CLEC16A: variants seen among roughly 807,000 people sequenced by gnomAD.
CLEC16A encodes the protein protein CLEC16A.
A neutral mutation model predicts 109.5 loss-of-function variants in CLEC16A; 51 were observed. That is an observed-to-expected ratio of 0.47 (90% CI 0.37 to 0.59). The LOEUF (loss-of-function observed/expected upper bound fraction) is 0.59, where lower values mean the gene tolerates loss of function less well. Ranked by LOEUF, CLEC16A falls within the 20% of genes least tolerant of loss-of-function variation. The probability of loss-of-function intolerance (pLI) is 0.00; values close to 1 mark genes in which losing one functional copy is unlikely to be tolerated. For missense variants in CLEC16A, 1,339 were observed against 1,394.0 expected (o/e 0.96, Z 0.63); for synonymous variants, 673 against 564.2 (o/e 1.19, Z -2.73).
In CLEC16A at chr16:11,180,545, C is replaced by G. The variant is rs1177355448; in HGVS notation, c.*1855C>G. The G allele has an allele frequency of 6.6e-6, 1 of 152,426 alleles. No individual in the cohort carries two copies. Among genetic ancestry groups the G allele is most frequent in the African/African-American group, 2.4e-5 (1 of 41,456 alleles). 9.4% of individuals were successfully genotyped at this position (152,426 alleles called of 1,614,324 possible). Reference sequence around the variant, plus strand: ...CCACAGCATCAGGAGACGGGACACGCCACACCCAGCAGGCAGCCTGTGTGT... The same window carrying G: ...CCACAGCATCAGGAGACGGGACACGGCACACCCAGCAGGCAGCCTGTGTGT... On this transcript the variant is annotated 3_prime_UTR_variant, in exon 24 of 24. Transcript: ENST00000409790.
chr16:11,131,725 A>G (rs895087286), intron 22 of CLEC16A, among the ~76,000 whole-genome samples: 8 of 151,842 alleles, frequency 5.3e-5, no homozygotes, highest in Non-Finnish European at 1.0e-4. Flanking sequence ...CTCTCTCCTT[A>G]AAACCCACCA....
chr16:11,007,241 T>C (rs2045081223), intron 11 of CLEC16A, among the ~76,000 whole-genome samples: 1 of 152,218 alleles, frequency 6.6e-6, no homozygotes, highest in African/African-American at 2.4e-5. Flanking sequence ...GAAGTAAAGA[T>C]GATAGGCCTT....
intron 19 of CLEC16A, among the ~76,000 whole-genome samples, chr16:11,100,558 C>T (rs891626483): frequency 1.3e-5 from 2 of 152,148 alleles, no homozygotes; most frequent in African/African-American, 4.8e-5. Flanking sequence ...GGGACTTGGA[C>T]CTGACTCACT....
chr16:10,989,211 CGTTGTTT>C (rs991526356), intron 10 of CLEC16A, among the ~76,000 whole-genome samples: 1 of 104,944 alleles, frequency 9.5e-6, no homozygotes, highest in African/African-American at 3.5e-5. Flanking sequence ...ATACTGTTGT[CGTTGTTT>C]TTTGTTTTTT....
At chr16:11,156,963 A>T in intron 22 of CLEC16A, 1 of 445,418 alleles carries the variant, frequency 2.2e-6, no homozygotes, top group Non-Finnish European at 3.5e-6. Flanking sequence ...GGGGCATTAG[A>T]CTTGGCAGCC....
At chr16:11,082,858 C>G (rs1285921519) in intron 19 of CLEC16A, among the ~76,000 whole-genome samples, 1 of 152,180 alleles carries the variant, frequency 6.6e-6, no homozygotes, top group African/African-American at 2.4e-5. Flanking sequence ...ATATTCAGCA[C>G]TGGAAATTGT....
intron 19 of CLEC16A, among the ~76,000 whole-genome samples, chr16:11,116,418 G>T (rs551771363): frequency 3.8e-4 from 57 of 151,552 alleles, no homozygotes; most frequent in Non-Finnish European, 7.4e-4. Flanking sequence ...AAAAAAAAAG[G>T]TACAAATTCA....
chr16:10,952,352 G>A (rs2041778597), intron 1 of CLEC16A, among the ~76,000 whole-genome samples: 1 of 152,252 alleles, frequency 6.6e-6, no homozygotes, highest in Middle Eastern at 3.4e-3. Flanking sequence ...AAATTAGCTG[G>A]GCATGGTGGC....
chr16:11,178,465 G>A lies in CLEC16A; in HGVS notation c.2937G>A (p.Leu979=), dbSNP rs760830951. ...ARSAAVETAS[L]SPSLVPARQP... ...GCGCAGCCGTGGAGACAGCCAGCCT[G>A]TCCCCCAGCCTCGTCCCTGCCCGGC... is the stretch of plus-strand genomic sequence containing the variant. The change falls in exon 24 of 24, where the codon CTG becomes CTA. Residue 979 remains leucine, a synonymous_variant. Coordinates refer to ENST00000409790, the MANE Select transcript of CLEC16A (RefSeq NM_015226.3). This position sits in a 1 kb window ranked among gnomAD's most constrained non-coding sequence, Gnocchi z 6.5. The A allele has an allele frequency of 6.2e-7, 1 of 1,613,630 alleles. No individual in the cohort carries two copies. Among genetic ancestry groups the A allele is most frequent in the South Asian group, 1.1e-5 (1 of 91,084 alleles).
chr16:11,123,913 C>T lies in CLEC16A; in HGVS notation c.2440C>T (p.Gln814Ter). 1 of 1,613,480 alleles carries T rather than the reference C, an allele frequency of 6.2e-7. No homozygotes were observed. The highest frequency in any genetic ancestry group is 1.1e-5 in the South Asian group (1 of 90,980). The change falls in exon 21 of 24, where the codon CAG (glutamine) becomes TAG (stop). Residue 814 changes from glutamine to a stop codon, truncating the protein, a stop_gained. Transcript: ENST00000409790. LOFTEE classifies it high-confidence loss of function. The part of the protein sequence containing the change: ...AKQRLAKGRI[Q>*]ARRMKMQRIA... ...GCAGCGCCTGGCCAAAGGCCGCATC[C>T]AGGCAAGGCGCATGAAGATGCAGAG... is the stretch of plus-strand genomic sequence containing the variant.
chr16:11,019,217 C>T (rs78409226), intron 11 of CLEC16A, among the ~76,000 whole-genome samples: 65 of 152,288 alleles, frequency 4.3e-4, no homozygotes, highest in Middle Eastern at 3.4e-3. Context: ...AGTCCACGCC[C>T]GCACAGCCAA....
At chr16:10,966,917 T>G (rs2042539068) in intron 3 of CLEC16A, among the ~76,000 whole-genome samples, 1 of 152,144 alleles carries the variant, frequency 6.6e-6, no homozygotes, top group African/African-American at 2.4e-5. Flanking sequence ...GTGTGTATAT[T>G]TCCACATATG....
chr16:11,136,380 A>T (rs2053563635), intron 22 of CLEC16A: 1 of 152,248 alleles, frequency 6.6e-6, no homozygotes, highest in African/African-American at 2.4e-5. Flanking sequence ...TTGTGACATA[A>T]AATGAGTTCA....
chr16:11,168,632 C>G (rs931349092), intron 23 of CLEC16A, among the ~76,000 whole-genome samples: 1 of 152,208 alleles, frequency 6.6e-6, no homozygotes, highest in African/African-American at 2.4e-5. Context: ...CTCATCAGAG[C>G]CCACAAGCTC....
intron 22 of CLEC16A, among the ~76,000 whole-genome samples, chr16:11,132,633 C>T (rs1309708227): frequency 3.3e-5 from 5 of 152,160 alleles, no homozygotes; most frequent in African/African-American, 9.7e-5. Flanking sequence ...ATTGCCAGAC[C>T]GTTTTCCCAT....
At chr16:11,069,541 CCTA>C (rs1182764427) in intron 19 of CLEC16A, among the ~76,000 whole-genome samples, 5 of 152,042 alleles carry the variant, frequency 3.3e-5, no homozygotes, top group Non-Finnish European at 5.9e-5. Flanking sequence ...CTCAAGCAAT[CCTA>C]CTGCTGCCTC....
chr16:11,025,816 G>A (rs567394758), intron 13 of CLEC16A, among the ~76,000 whole-genome samples: 73 of 152,234 alleles, frequency 4.8e-4, no homozygotes, highest in African/African-American at 1.8e-3. Flanking sequence ...GGGTATATAG[G>A]GAAAAAGTTT....
intron 10 of CLEC16A, among the ~76,000 whole-genome samples, chr16:10,992,347 C>G (rs2044071217): frequency 6.6e-6 from 1 of 151,912 alleles, no homozygotes; most frequent in Admixed American, 6.6e-5. Context: ...ATGAGATCAA[C>G]TTTGTTTAGA....
chr16:11,037,827 A>G (rs1205254286), intron 13 of CLEC16A, among the ~76,000 whole-genome samples: 8 of 133,960 alleles, frequency 6.0e-5, no homozygotes, highest in Non-Finnish European at 1.1e-4. Flanking sequence ...CAGTTCTCAA[A>G]GGGCCAGAAA....
Sources: gnomAD v4.1 joint callset for allele counts (sites outside exome capture counted in the v4.1 genomes callset) on GRCh38, gnomAD v4.1.1 for gene constraint, Gnocchi (gnomAD v3.1) non-coding constraint, MANE v1.5 for transcripts, NCBI Gene and HGNC (gene_info 2026-07-23, HGNC 2026-07-21) for gene names.